FER: variants seen among roughly 807,000 people sequenced by gnomAD.
FER encodes FER tyrosine kinase.
In FER, 63 loss-of-function variants were observed where a neutral mutation model predicts 111.0. The ratio of observed to expected loss-of-function variants is 0.57; its 90% CI spans 0.46 to 0.70. The LOEUF (loss-of-function observed/expected upper bound fraction) is 0.70, where lower values mean the gene tolerates loss of function less well. Ranked by LOEUF, FER falls within the 30% of genes least tolerant of loss-of-function variation. FER has a pLI of 0.00. For missense variants in FER, 914 were observed against 954.0 expected, an observed-to-expected ratio of 0.96 and a Z score of 0.55; for synonymous variants, 327 against 313.9, an observed-to-expected ratio of 1.04 and a Z score of -0.44.
chr5:109,148,353 C>T (rs1316665358), intron 17 of FER, among the ~76,000 whole-genome samples: 1 of 151,980 alleles, frequency 6.6e-6, no homozygotes, highest in African/African-American at 2.4e-5. Context: ...AGATTTTAAT[C>T]TGCAAGTTAG....
At chr5:108,981,650 A>G (rs1361419738) in intron 13 of FER, among the ~76,000 whole-genome samples, 1 of 152,026 alleles carries the variant, frequency 6.6e-6, no homozygotes, top group Non-Finnish European at 1.5e-5. Context: ...TAAATCAGAC[A>G]TTGTTCTAAG....
chr5:108,872,926 T>A (rs1764737734), intron 8 of FER, among the ~76,000 whole-genome samples: 4 of 152,186 alleles, frequency 2.6e-5, no homozygotes, highest in Admixed American at 2.6e-4. Flanking sequence ...TATAAATGAT[T>A]ATGCACTCAT....
intron 13 of FER, among the ~76,000 whole-genome samples, chr5:108,998,199 A>C (rs565641647): frequency 8.6e-5 from 13 of 151,746 alleles, no homozygotes; most frequent in South Asian, 2.1e-4. Flanking sequence ...AAAAAAAAAA[A>C]AAAAAACTCT....
Position 109,055,505 on chromosome 5 carries a change from G to T in FER, c.1924+8307G>T, listed in dbSNP as rs532246383. Among the ~76,000 whole-genome samples, 333 of 152,216 alleles carry T rather than the reference G, an allele frequency of 2.2e-3. 1 individual carries two copies. Among genetic ancestry groups the T allele is most frequent in the Non-Finnish European group, 4.1e-3 (279 of 67,996 alleles). ...ACTCAGTTTAAAGATGGGCAGAGGA[G>T]GCTGGATGCAGTGGCTCATTCCTGT... On this transcript the variant is annotated intron_variant, in intron 16 of 19. Coordinates refer to ENST00000281092, the MANE Select transcript of FER (RefSeq NM_005246.4).
intron 9 of FER, among the ~76,000 whole-genome samples, chr5:108,886,470 CATAT>C (rs139565916): frequency 6.7e-6 from 1 of 148,818 alleles, no homozygotes; most frequent in Non-Finnish European, 1.5e-5. Context: ...CATAAATGTA[CATAT>C]ATATATATGT....
intron 8 of FER, among the ~76,000 whole-genome samples, chr5:108,876,096 T>G (rs1472052619): frequency 6.6e-6 from 1 of 152,226 alleles, no homozygotes; most frequent in African/African-American, 2.4e-5. Context: ...AGTGATTGTC[T>G]TGGATCTTGT....
At chr5:108,814,829 G>T (rs1758119697) in intron 3 of FER, among the ~76,000 whole-genome samples, 2 of 152,086 alleles carry the variant, frequency 1.3e-5, no homozygotes, top group African/African-American at 2.4e-5. Context: ...TGTACATTCT[G>T]TCTTTAATCC....
chr5:109,021,744 A>G (rs1767955813), intron 13 of FER, among the ~76,000 whole-genome samples: 2 of 152,104 alleles, frequency 1.3e-5, no homozygotes, highest in Non-Finnish European at 2.9e-5. Flanking sequence ...AAGCAAAAAA[A>G]CAAGCTTTCT....
chr5:109,076,273 T>C (rs1184356158), intron 16 of FER, among the ~76,000 whole-genome samples: 1 of 152,202 alleles, frequency 6.6e-6, no homozygotes, highest in Non-Finnish European at 1.5e-5. Context: ...GCAACATTAC[T>C]AATATTAGGC....
intron 10 of FER, among the ~76,000 whole-genome samples, chr5:108,902,498 A>G (rs1230967576): frequency 1.3e-5 from 2 of 152,166 alleles, no homozygotes; most frequent in East Asian, 3.8e-4. Context: ...AGTAATATTG[A>G]CTGCAGGAAC....
intron 17 of FER, among the ~76,000 whole-genome samples, chr5:109,137,398 C>T (rs1305564967): frequency 1.3e-5 from 2 of 152,190 alleles, no homozygotes; most frequent in African/African-American, 4.8e-5. Context: ...TGTTCCTAAC[C>T]AGCTTTCCCG....
intron 5 of FER, among the ~76,000 whole-genome samples, chr5:108,844,043 T>TATGTGTGTGTGAAC (rs1561499864): frequency 9.9e-6 from 1 of 101,346 alleles, no homozygotes; most frequent in African/African-American, 4.1e-5. Flanking sequence ...TGTGTGAACA[T>TATGTGTGTGTGAAC]ATATATGTGT....
intron 13 of FER, among the ~76,000 whole-genome samples, chr5:109,001,176 C>CA (rs1372646271): frequency 2.0e-5 from 3 of 151,816 alleles, no homozygotes; most frequent in Admixed American, 6.6e-5. Flanking sequence ...AGAGACACAA[C>CA]AAAAAAAGAG....
chr5:108,872,254 A>G, intron 8 of FER, 42 bp downstream of exon 8: 1 of 1,523,104 alleles, frequency 6.6e-7, no homozygotes, highest in Non-Finnish European at 8.9e-7. Flanking sequence ...TACTAGTATT[A>G]TTATTGCTTT....
At chr5:108,774,930 C>G (rs1283936351) in intron 2 of FER, among the ~76,000 whole-genome samples, 2 of 152,044 alleles carry the variant, frequency 1.3e-5, no homozygotes, top group Non-Finnish European at 2.9e-5. Context: ...GCTTTTGTTG[C>G]AATTGTTTTT....
At chr5:109,012,984 G>GC (rs35570816) in intron 13 of FER, among the ~76,000 whole-genome samples, 1,533 of 151,526 alleles carry the variant, frequency 0.01, 20 homozygotes, top group African/African-American at 0.035. Flanking sequence ...AACGTGTGGA[G>GC]CGGAATTACC....
chr5:108,886,128 G>C (rs1190046489), intron 9 of FER, among the ~76,000 whole-genome samples: 1 of 151,722 alleles, frequency 6.6e-6, no homozygotes, highest in African/African-American at 2.4e-5. Flanking sequence ...AGAATGTCTG[G>C]CTATAAGTTG....
chr5:108,884,728 T>C (rs188022175), intron 9 of FER, among the ~76,000 whole-genome samples: 1 of 152,094 alleles, frequency 6.6e-6, no homozygotes, highest in Admixed American at 6.6e-5. Flanking sequence ...CCACGTACTA[T>C]CTTTGCTTTC....
chr5:109,000,593 A>G (rs1302882236), intron 13 of FER, among the ~76,000 whole-genome samples: 2 of 152,126 alleles, frequency 1.3e-5, no homozygotes, highest in African/African-American at 4.8e-5. Context: ...AATTAAAAGA[A>G]CTAGAGAAGC....
Sources: gnomAD v4.1 joint callset for allele counts (sites outside exome capture counted in the v4.1 genomes callset) on GRCh38, gnomAD v4.1.1 for gene constraint, MANE v1.5 for transcripts, NCBI Gene and HGNC (gene_info 2026-07-23, HGNC 2026-07-21) for gene names.